SLC17A1: variants seen among roughly 807,000 people sequenced by gnomAD.
SLC17A1 encodes the protein solute carrier family 17 member 1.
A neutral mutation model predicts 53.5 loss-of-function variants in SLC17A1; 51 were observed. That is an observed-to-expected ratio of 0.95 (90% CI 0.76 to 1.20). The LOEUF (loss-of-function observed/expected upper bound fraction) is 1.20, where lower values mean the gene tolerates loss of function less well. SLC17A1 is among the 50% of genes most tolerant of loss of function. SLC17A1 has a pLI of 0.00. For missense variants in SLC17A1, 538 were observed against 568.2 expected, an observed-to-expected ratio of 0.95 and a Z score of 0.54; for synonymous variants, 179 against 198.8, an observed-to-expected ratio of 0.90 and a Z score of 0.84.
chr6:25,749,924 A>G, the SLC17A1 span, among the ~76,000 whole-genome samples: 1 of 152,344 alleles, frequency 6.6e-6, no homozygotes, highest in African/African-American at 2.4e-5. Flanking sequence ...TCCCAACATG[A>G]AGATGATGTG....
At chr6:25,772,341 A>C in the SLC17A1 span, among the ~76,000 whole-genome samples, 1 of 152,060 alleles carries the variant, frequency 6.6e-6, no homozygotes, top group Non-Finnish European at 1.5e-5. Flanking sequence ...ATCCCTCCGC[A>C]CTTGATTATG....
intron 2 of SLC17A1, 61 bp from the exon 3 acceptor site, chr6:25,826,694 C>CA (rs1296216873): frequency 1.7e-5 from 22 of 1,280,588 alleles, no homozygotes; most frequent in Non-Finnish European, 2.3e-5. Flanking sequence ...CATACTTTAA[C>CA]TATAGGAGGG....
chr6:25,761,472 A>C, the SLC17A1 span, among the ~76,000 whole-genome samples: 2 of 152,206 alleles, frequency 1.3e-5, no homozygotes, highest in Non-Finnish European at 2.9e-5. Flanking sequence ...CGGTGGAGAT[A>C]TCTCTTACTG....
the SLC17A1 span, chr6:25,726,124 A>T: frequency 4.6e-6 from 7 of 1,515,268 alleles, no homozygotes; most frequent in Non-Finnish European, 6.2e-6. Flanking sequence ...ACCAATGACA[A>T]CCTTAAGTTA....
At chr6:25,796,173 A>C (rs1434862065) in intron 12 of SLC17A1, among the ~76,000 whole-genome samples, 2 of 152,186 alleles carry the variant, frequency 1.3e-5, no homozygotes, top group African/African-American at 4.8e-5. Context: ...GGACAATCTC[A>C]GATATTTCTA....
chr6:25,801,618 C>G (rs903076174), intron 10 of SLC17A1, among the ~76,000 whole-genome samples: 1 of 152,142 alleles, frequency 6.6e-6, no homozygotes, highest in Non-Finnish European at 1.5e-5. Flanking sequence ...GCTGGGAGTC[C>G]GTTTTTCCTG....
the SLC17A1 span, among the ~76,000 whole-genome samples, chr6:25,775,427 T>C: frequency 6.6e-6 from 1 of 152,108 alleles, no homozygotes; most frequent in Non-Finnish European, 1.5e-5. Context: ...TCTTTCTATG[T>C]CTTTTTTCTT....
chr6:25,828,730 T>C (rs1391438293), intron 2 of SLC17A1, among the ~76,000 whole-genome samples: 1 of 152,148 alleles, frequency 6.6e-6, no homozygotes, highest in Non-Finnish European at 1.5e-5. Context: ...AATTGAATTT[T>C]ATATCATTTT....
chr6:25,777,970 T>C, downstream of SLC17A1: 1 of 1,613,100 alleles, frequency 6.2e-7, no homozygotes, highest in Non-Finnish European at 8.5e-7. Flanking sequence ...TTTGCACACA[T>C]AGCTGGAGCC....
At chr6:25,781,338 G>A (rs1763264813), downstream of SLC17A1, 1 of 152,184 alleles carries the variant, frequency 6.6e-6, no homozygotes, top group Admixed American at 6.5e-5. Context: ...ATGGTGCTAA[G>A]AAAGGGAAGG....
At chr6:25,771,143 C>T in the SLC17A1 span, 8 of 720,850 alleles carry the variant, frequency 1.1e-5, no homozygotes, top group East Asian at 9.9e-5. Context: ...GAGCCAACTA[C>T]ATTTAACATT....
At chr6:25,814,985 A>T (rs56031214) in intron 6 of SLC17A1, among the ~76,000 whole-genome samples, 15,734 of 48,926 alleles carry the variant, frequency 0.32, 920 homozygotes, top group African/African-American at 0.47. Context: ...AGACTCTGTC[A>T]CACAAACACA....
intron 12 of SLC17A1, among the ~76,000 whole-genome samples, chr6:25,784,526 C>G (rs1763338032): frequency 6.6e-6 from 1 of 152,104 alleles, no homozygotes; most frequent in Non-Finnish European, 1.5e-5. Flanking sequence ...ATATTCTCTC[C>G]TGAACTCAGA....
At position 25,826,179 on chromosome 6, in the gene SLC17A1, C is replaced by A. The variant is rs192512965; in HGVS notation, c.207+282G>T. ...TTCCACTCCTAATTTAAAATGCTTT[C>A]CCTTTTTTTCCTCTTGTCCAAATTT... On this transcript the variant is annotated intron_variant, in intron 3 of 12. Transcript: ENST00000244527. Among the ~76,000 whole-genome samples the A allele has an allele frequency of 4.6e-5, 7 of 152,204 alleles. No individual in the cohort carries two copies. The East Asian group carries it at 1.4e-3, about 29-fold the overall frequency.
chr6:25,823,398 A>T (rs933913657), intron 3 of SLC17A1, among the ~76,000 whole-genome samples: 1 of 152,130 alleles, frequency 6.6e-6, no homozygotes, highest in Non-Finnish European at 1.5e-5. Context: ...GACAAAGTGT[A>T]TTCCAAAGTG....
chr6:25,783,249 G>A (rs182341108), intron 12 of SLC17A1, 31 bp from the exon 13 acceptor site: 210 of 152,210 alleles, frequency 1.4e-3, no homozygotes, highest in African/African-American at 4.8e-3. Context: ...AAAAAATAGT[G>A]CACACAAATG....
At chr6:25,771,083 C>T in the SLC17A1 span, 21 of 1,235,470 alleles carry the variant, frequency 1.7e-5, no homozygotes, top group South Asian at 2.4e-4. Context: ...TATGGTTAAC[C>T]AAATCCTAAT....
downstream of SLC17A1, chr6:25,779,215 G>C: frequency 1.2e-6 from 2 of 1,611,114 alleles, no homozygotes; most frequent in Non-Finnish European, 1.7e-6. Flanking sequence ...GCTAGATCCT[G>C]GTGCTTAGTT....
At chr6:25,821,657 A>C (rs1345176945) in intron 3 of SLC17A1, among the ~76,000 whole-genome samples, 1 of 152,204 alleles carries the variant, frequency 6.6e-6, no homozygotes, top group Non-Finnish European at 1.5e-5. Flanking sequence ...CACTCTCCAC[A>C]GCAGAATGTA....
Sources: gnomAD v4.1 joint callset for allele counts (sites outside exome capture counted in the v4.1 genomes callset) on GRCh38, gnomAD v4.1.1 for gene constraint, MANE v1.5 for transcripts, NCBI Gene and HGNC (gene_info 2026-07-23, HGNC 2026-07-21) for gene names.